The following MCPH1 variants were observed in gnomAD, a reference collection of about 807,000 sequenced individuals.
MCPH1 encodes the protein microcephalin.
In MCPH1, 104 loss-of-function variants were observed where a neutral mutation model predicts 84.5. The observed-to-expected ratio is 1.23, with a 90% confidence interval of 1.05 to 1.45. MCPH1 has a LOEUF of 1.45. MCPH1 is among the 40% of genes most tolerant of loss of function. The probability of loss-of-function intolerance (pLI) is 0.00; values close to 1 mark genes in which losing one functional copy is unlikely to be tolerated. For missense variants in MCPH1, 1,498 were observed against 1,005.7 expected (o/e 1.49, Z -6.62); for synonymous variants, 514 against 366.8 (o/e 1.40, Z -4.58).
intron 13 of MCPH1, among the ~76,000 whole-genome samples, chr8:6,621,895 A>G (rs1401705078): frequency 6.6e-6 from 1 of 152,168 alleles, no homozygotes; most frequent in African/African-American, 2.4e-5. Flanking sequence ...ACAGTTCACG[A>G]GGAAATGGGA....
intron 12 of MCPH1, among the ~76,000 whole-genome samples, chr8:6,587,551 G>A (rs566176146): frequency 6.6e-6 from 1 of 152,308 alleles, no homozygotes; most frequent in South Asian, 2.1e-4. Flanking sequence ...AGTTTTCACT[G>A]TTATGAATCT....
At chr8:6,624,457 A>G (rs1166724121) in intron 13 of MCPH1, among the ~76,000 whole-genome samples, 1 of 152,172 alleles carries the variant, frequency 6.6e-6, no homozygotes, top group African/African-American at 2.4e-5. Flanking sequence ...CCAGTGTAGT[A>G]GACCTCTCCA....
chr8:6,586,696 G>A (rs1005602702), intron 12 of MCPH1, among the ~76,000 whole-genome samples: 2 of 152,176 alleles, frequency 1.3e-5, no homozygotes, highest in Non-Finnish European at 2.9e-5. Flanking sequence ...AGCTGAAAAA[G>A]GAAGACTGAA....
chr8:6,461,271 A>G (rs74951487), intron 9 of MCPH1, among the ~76,000 whole-genome samples: 22,823 of 145,496 alleles, frequency 0.16, 1,886 homozygotes, highest in Middle Eastern at 0.24. Flanking sequence ...TCAGAAAAAG[A>G]GTCTGTTTTT....
chr8:6,544,614 G>T (rs527599343), intron 12 of MCPH1, among the ~76,000 whole-genome samples: 3 of 152,094 alleles, frequency 2.0e-5, no homozygotes, highest in Non-Finnish European at 4.4e-5. Flanking sequence ...AGTAAGAACC[G>T]ACATGCACAA....
Position 6,445,662 on chromosome 8 carries a change from T to C in MCPH1, c.1825+115T>C. 3 of 1,459,332 alleles carry C rather than the reference T, an allele frequency of 2.1e-6. No individual in the cohort carries two copies. The South Asian group carries it at 4.6e-5, about 22-fold the overall frequency. The allele number at this position is 1,459,332 out of a possible 1,614,324, so 90.4% of individuals were successfully genotyped here. On this transcript the variant is annotated intron_variant, in intron 8 of 13. Coordinates refer to ENST00000344683, the MANE Select transcript of MCPH1 (RefSeq NM_024596.5). ...CTTATTTCCCCATTTACTCCTCTTT[T>C]TACTTAAAGAATGTGCATTTGATCA...
chr8:6,602,779 T>C (rs1310204333), intron 12 of MCPH1, among the ~76,000 whole-genome samples: 1 of 152,072 alleles, frequency 6.6e-6, no homozygotes, highest in Non-Finnish European at 1.5e-5. Context: ...TTAACTCTGC[T>C]CCTGTTCTGA....
At chr8:6,427,761 C>G (rs1213548918) in intron 3 of MCPH1, among the ~76,000 whole-genome samples, 4 of 150,354 alleles carry the variant, frequency 2.7e-5, no homozygotes, top group South Asian at 2.1e-4. Flanking sequence ...TGTATAATAC[C>G]TAATACGAGT....
chr8:6,511,165 C>G (rs1815007120), intron 12 of MCPH1, among the ~76,000 whole-genome samples: 1 of 152,150 alleles, frequency 6.6e-6, no homozygotes, highest in African/African-American at 2.4e-5. Context: ...TTATGAGTCT[C>G]TGTTAGAAAG....
intron 13 of MCPH1, among the ~76,000 whole-genome samples, chr8:6,630,667 G>T (rs1035435882): frequency 6.6e-5 from 10 of 151,756 alleles, no homozygotes; most frequent in African/African-American, 2.4e-4. Flanking sequence ...TGTGATCCCA[G>T]CTACTTGGGA....
chr8:6,581,482 T>G (rs1488464824), intron 12 of MCPH1, among the ~76,000 whole-genome samples: 1 of 152,360 alleles, frequency 6.6e-6, no homozygotes. Flanking sequence ...AAGCAATCAT[T>G]CTGTTATTCC....
Position 6,499,853 on chromosome 8 carries a change from T to C in MCPH1, c.2138T>C (p.Val713Ala). The C allele has an allele frequency of 6.2e-7, 1 of 1,612,942 alleles. No individual in the cohort carries two copies. The highest frequency in any genetic ancestry group is 8.5e-7 in the Non-Finnish European group (1 of 1,179,840). ...RGCWVLSYDWVLWSLELGHWI... is the reference protein window; with the variant it reads ...RGCWVLSYDWALWSLELGHWI... ...ATCTGCTTGTTGTGTCACTTGCAGG[T>C]GCTATGGTCTTTAGAATTGGGTCAC... is the stretch of plus-strand genomic sequence containing the variant. Residue 713 changes from valine to alanine, a missense_variant and splice_region_variant, in exon 12 of 14, where the codon GTG (valine) becomes GCG (alanine). Transcript: ENST00000344683.
At chr8:6,597,604 G>T (rs1407367249) in intron 12 of MCPH1, among the ~76,000 whole-genome samples, 1 of 152,200 alleles carries the variant, frequency 6.6e-6, no homozygotes, top group Admixed American at 6.5e-5. Flanking sequence ...GGCTGGTGCT[G>T]CTGTGGACAC....
intron 12 of MCPH1, among the ~76,000 whole-genome samples, chr8:6,588,316 G>A (rs534479205): frequency 1.7e-4 from 26 of 151,594 alleles, no homozygotes; most frequent in African/African-American, 5.8e-4. Flanking sequence ...CGTTATCAGA[G>A]CAAGAACTAT....
intron 11 of MCPH1, among the ~76,000 whole-genome samples, chr8:6,487,526 G>A (rs1056349914): frequency 3.3e-5 from 5 of 152,186 alleles, no homozygotes; most frequent in African/African-American, 1.2e-4. Flanking sequence ...GTTCAAAAGG[G>A]ATCATCTTGA....
chr8:6,597,242 T>C (rs1324743217), intron 12 of MCPH1, among the ~76,000 whole-genome samples: 4 of 152,216 alleles, frequency 2.6e-5, no homozygotes, highest in East Asian at 1.9e-4. Context: ...CAAGGCACCA[T>C]GGACGCCGTC....
At chr8:6,513,622 C>T (rs539251224) in intron 12 of MCPH1, 21 of 1,521,040 alleles carry the variant, frequency 1.4e-5, no homozygotes, top group Middle Eastern at 1.9e-4. Flanking sequence ...CGTGAGCCAC[C>T]GTGCCCGGCC....
chr8:6,625,247 C>A, intron 13 of MCPH1: 1 of 985,436 alleles, frequency 1.0e-6, no homozygotes, highest in Non-Finnish European at 1.2e-6. Context: ...CCTTGCTTAC[C>A]CCACATGCTG....
chr8:6,453,073 G>C (rs2129556596), intron 8 of MCPH1, among the ~76,000 whole-genome samples: 2 of 152,310 alleles, frequency 1.3e-5, no homozygotes, highest in Admixed American at 1.3e-4. Flanking sequence ...TGAGAAGGGA[G>C]CTGATGACAA....
Sources: allele counts gnomAD v4.1 joint callset (sites outside exome capture counted in the v4.1 genomes callset), GRCh38; gene constraint gnomAD v4.1.1; transcripts MANE v1.5; gene names NCBI Gene and HGNC (gene_info 2026-07-23, HGNC 2026-07-21).